PI4KA: variants seen among roughly 807,000 people sequenced by gnomAD.
PI4KA encodes PI4-kinase alpha.
PI4KA carries 122 observed loss-of-function variants against 271.4 expected under a neutral mutation model. The observed-to-expected ratio is 0.45, with a 90% CI of 0.39 to 0.52. The LOEUF is 0.52. PI4KA is among the 20% of genes least tolerant of loss of function. PI4KA has a pLI of 0.00. For synonymous variants in PI4KA, 1,041 were observed against 1,078.8 expected (o/e 0.96, Z 0.69); for missense variants, 1,969 against 2,769.1 (o/e 0.71, Z 6.48).
At chr22:20,838,542 A>G (rs1450465542) in intron 2 of PI4KA, 73 bp downstream of exon 2, 2 of 831,726 alleles carry the variant, frequency 2.4e-6, no homozygotes, top group South Asian at 2.9e-5. Flanking sequence ...GGTAAATATA[A>G]GCAGATACAA....
chr22:20,798,482 C>G, intron 17 of PI4KA, 102 bp downstream of exon 17: 1 of 821,706 alleles, frequency 1.2e-6, no homozygotes. Context: ...ATATAGTTTT[C>G]TTGCAAGAAG....
chr22:20,790,058 G>A (rs145824767), intron 19 of PI4KA, among the ~76,000 whole-genome samples: 3 of 152,288 alleles, frequency 2.0e-5, no homozygotes, highest in African/African-American at 4.8e-5. Flanking sequence ...CATTCAAAAC[G>A]TTTAACTAAC....
At chr22:20,737,734 C>T (rs1441515594) in intron 32 of PI4KA, among the ~76,000 whole-genome samples, 11 of 151,374 alleles carry the variant, frequency 7.3e-5, no homozygotes, top group African/African-American at 1.9e-4. Context: ...TGGGTTCAAG[C>T]GATTCTCCTG....
intron 29 of PI4KA, 96 bp from the exon 30 acceptor site, chr22:20,744,816 C>G: frequency 1.1e-6 from 1 of 942,070 alleles, no homozygotes; most frequent in Non-Finnish European, 1.7e-6. Flanking sequence ...CAGTCACACT[C>G]GGGTCTGGGG....
intron 40 of PI4KA, 118 bp from the exon 41 acceptor site, chr22:20,727,515 C>T: frequency 1.0e-6 from 1 of 983,108 alleles, no homozygotes; most frequent in Non-Finnish European, 1.5e-6. Flanking sequence ...CATCGGTAAC[C>T]ATGGGGAAGA....
At chr22:20,841,661 G>A (rs1275322815) in intron 1 of PI4KA, among the ~76,000 whole-genome samples, 1 of 152,068 alleles carries the variant, frequency 6.6e-6, no homozygotes, top group Non-Finnish European at 1.5e-5. Flanking sequence ...TCAATCCCCT[G>A]GAAGCTGTGA....
At chr22:20,757,007 C>G (rs1028791339) in intron 23 of PI4KA, among the ~76,000 whole-genome samples, 5 of 152,202 alleles carry the variant, frequency 3.3e-5, no homozygotes, top group African/African-American at 1.2e-4. Flanking sequence ...TACTGGTGAA[C>G]TGACTCACAG....
Position 20,727,878 on chromosome 22 carries a change from A to C in PI4KA, c.4683-14T>G. 1 of 1,607,466 alleles carries C rather than the reference A, an allele frequency of 6.2e-7. No individual in the cohort carries two copies. Among genetic ancestry groups the C allele is most frequent in the Non-Finnish European group, 8.5e-7 (1 of 1,174,270 alleles). Reference sequence around the variant, plus strand: ...GTGTTCTTAAACCTACAGTGCACAGAGGGTATGGGTGGTGCTGCCTCGCCA... The same window carrying C: ...GTGTTCTTAAACCTACAGTGCACAGCGGGTATGGGTGGTGCTGCCTCGCCA... On this transcript the variant is annotated splice_polypyrimidine_tract_variant and intron_variant, in intron 39 of 54. Coordinates refer to ENST00000255882, the MANE Select transcript of PI4KA (RefSeq NM_058004.4).
Position 20,854,237 on chromosome 22 carries a change from C to T in PI4KA, c.156+4333G>A, listed in dbSNP as rs185897895. ...CTGGGTTCCAGTGATTCTCTGGCCT[C>T]AGCCTCCCAAGTAGCTGGGATTACA... On this transcript the variant is annotated intron_variant, in intron 1 of 54. Coordinates refer to ENST00000255882, the MANE Select transcript of PI4KA (RefSeq NM_058004.4). Among the ~76,000 whole-genome samples, 10 of 152,108 alleles carry T rather than the reference C, an allele frequency of 6.6e-5. 1 individual carries two copies. The highest frequency in any genetic ancestry group is 2.4e-4 in the African/African-American group (10 of 41,462).
chr22:20,749,923 G>A lies in PI4KA; in HGVS notation c.3225C>T (p.Val1075=), dbSNP rs1308830445. ...LQEAMKWAPT[V]TKSHLQEYLN... ...CAAGTACCTGCAGGTGGGACTTGGT[G>A]ACGGTAGGTGCCCACTTCATGGCCT... Residue 1075 remains valine, a synonymous_variant, in exon 28 of 55, where the codon GTC becomes GTT. Transcript: ENST00000255882. 6.2e-7 allele frequency: 1 copy of A among 1,610,498 alleles called. No individual in the cohort carries two copies. Among genetic ancestry groups the A allele is most frequent in the Non-Finnish European group, 8.5e-7 (1 of 1,176,744 alleles).
chr22:20,830,653 T>C (rs1438058049), intron 3 of PI4KA, among the ~76,000 whole-genome samples: 1 of 152,226 alleles, frequency 6.6e-6, no homozygotes, highest in Non-Finnish European at 1.5e-5. Flanking sequence ...TTCATAATAT[T>C]GATATGTGTG....
intron 48 of PI4KA, 90 bp from the exon 49 acceptor site, chr22:20,712,887 C>T: frequency 1.3e-6 from 2 of 1,547,792 alleles, no homozygotes; most frequent in Non-Finnish European, 1.7e-6. Context: ...AGCCAAGCAC[C>T]CAGAGATGGA....
At chr22:20,844,216 C>T (rs527580034) in intron 1 of PI4KA, among the ~76,000 whole-genome samples, 2 of 152,302 alleles carry the variant, frequency 1.3e-5, no homozygotes, top group South Asian at 4.1e-4. Context: ...CTCATCACTC[C>T]ACTGCACCCT....
chr22:20,708,340 G>A (rs1048955395), intron 54 of PI4KA, among the ~76,000 whole-genome samples: 4 of 152,052 alleles, frequency 2.6e-5, no homozygotes, highest in African/African-American at 9.7e-5. Context: ...CCACTGCTCT[G>A]CCCCATGGGA....
At chr22:20,824,772 ACACACAC>A (rs1409290594) in intron 3 of PI4KA, among the ~76,000 whole-genome samples, 288 of 148,588 alleles carry the variant, frequency 1.9e-3, no homozygotes, top group African/African-American at 7.0e-3. Context: ...ACACACACAC[ACACACAC>A]AAAACACTCG....
intron 9 of PI4KA, among the ~76,000 whole-genome samples, chr22:20,809,431 C>CT (rs361552): frequency 0.5 from 73,994 of 148,452 alleles, 18,585 homozygotes; most frequent in African/African-American, 0.6. Flanking sequence ...TTACAAGAAA[C>CT]TTTTTTTTTT....
chr22:20,749,787 G>C (rs1930477366), intron 28 of PI4KA, 118 bp downstream of exon 28: 1 of 686,246 alleles, frequency 1.5e-6, no homozygotes. Context: ...CTAGACTGAT[G>C]CTTCCAGTCT....
intron 14 of PI4KA, among the ~76,000 whole-genome samples, chr22:20,800,713 A>AAG (rs1935249603): frequency 6.7e-6 from 1 of 149,140 alleles, no homozygotes; most frequent in Non-Finnish European, 1.5e-5. Context: ...AAAAAAAAAA[A>AAG]ATACAAAAAA....
chr22:20,737,141 G>A (rs1262159688), intron 32 of PI4KA, among the ~76,000 whole-genome samples: 3 of 152,194 alleles, frequency 2.0e-5, no homozygotes, highest in Non-Finnish European at 4.4e-5. Flanking sequence ...GTAAGCAGTG[G>A]AGCTGGCCAG....
Sources: allele counts gnomAD v4.1 joint callset (sites outside exome capture counted in the v4.1 genomes callset), GRCh38; gene constraint gnomAD v4.1.1; transcripts MANE v1.5; gene names NCBI Gene and HGNC (gene_info 2026-07-23, HGNC 2026-07-21).